The following KIF14 variants were observed in gnomAD, a reference collection of about 807,000 sequenced individuals.
KIF14 encodes the protein kinesin-like protein KIF14.
Under a neutral mutation model 176.2 loss-of-function variants are expected in KIF14, and 98 were observed. The ratio of observed to expected loss-of-function variants is 0.56; its 90% CI spans 0.47 to 0.66. The LOEUF (loss-of-function observed/expected upper bound fraction) is 0.66. KIF14 is among the 30% of genes least tolerant of loss of function. The probability of loss-of-function intolerance (pLI) is 0.00; values close to 1 mark genes in which losing one functional copy is unlikely to be tolerated. For synonymous variants in KIF14, 566 were observed against 632.2 expected, an observed-to-expected ratio of 0.90 and a Z score of 1.57; for missense variants, 1,751 against 1,920.4, an observed-to-expected ratio of 0.91 and a Z score of 1.65.
At chr1:200,584,648 C>A (rs1558066386) in intron 19 of KIF14, among the ~76,000 whole-genome samples, 1 of 152,140 alleles carries the variant, frequency 6.6e-6, no homozygotes, top group Non-Finnish European at 1.5e-5. Flanking sequence ...TGACAAACTA[C>A]AACATCCTTT....
intron 29 of KIF14, 111 bp downstream of exon 29, chr1:200,554,357 C>T: frequency 1.4e-6 from 1 of 716,012 alleles, no homozygotes; most frequent in Non-Finnish European, 2.3e-6. Flanking sequence ...AGCCACTGCA[C>T]TCCAGCCTGA....
chr1:200,593,947 T>TTTTG (rs1367461426), intron 14 of KIF14, among the ~76,000 whole-genome samples, 178 bp from the exon 15 acceptor site: 1 of 148,226 alleles, frequency 6.7e-6, no homozygotes, highest in Non-Finnish European at 1.5e-5. Context: ...TTTTTTTTTT[T>TTTTG]TGAGACGGAG....
chr1:200,598,506 A>C, intron 13 of KIF14, 85 bp from the exon 14 acceptor site: 1 of 838,096 alleles, frequency 1.2e-6, no homozygotes, highest in African/African-American at 1.8e-5. Flanking sequence ...TATATTAAAC[A>C]TTAAAACAAT....
intron 14 of KIF14, among the ~76,000 whole-genome samples, chr1:200,595,644 C>A (rs891340378): frequency 1.3e-5 from 2 of 151,910 alleles, no homozygotes; most frequent in South Asian, 2.1e-4. Context: ...AAAGGATATG[C>A]CCTAACAGAT....
At chr1:200,602,208 G>T in intron 10 of KIF14, 140 bp from the exon 11 acceptor site, 3 of 623,730 alleles carry the variant, frequency 4.8e-6, no homozygotes, top group South Asian at 2.7e-5. Context: ...AACTTTTCTG[G>T]TATTTGTAAC....
At chr1:200,586,781 A>G (rs1034790024) in intron 18 of KIF14, among the ~76,000 whole-genome samples, 1 of 57,788 alleles carries the variant, frequency 1.7e-5, no homozygotes, top group African/African-American at 1.0e-4. Context: ...GTGTATATAT[A>G]TATACATACA....
At chr1:200,567,044 G>A (rs904082675) in intron 23 of KIF14, among the ~76,000 whole-genome samples, 3 of 151,572 alleles carry the variant, frequency 2.0e-5, no homozygotes, top group Admixed American at 6.6e-5. Context: ...CATGGTGGTG[G>A]GCGCCTGTAA....
rs755330036 is a variant in KIF14, at chr1:200,565,548, T to A, written c.3783A>T (p.Arg1261Ser). 6.2e-7 allele frequency: 1 copy of A among 1,611,614 alleles called. No individual in the cohort carries two copies. Among genetic ancestry groups the A allele is most frequent in the Non-Finnish European group, 8.5e-7 (1 of 1,179,342 alleles). ...DFFGQSYDEE[R>S]TIADSLINSF... is the part of the protein sequence containing the mutation. ...TATTAATTAGGCTGTCTGCTATAGT[T>A]CTTTCTTCATCATAACTCTGTCCAA... Residue 1261 changes from arginine (R) to serine (S), a missense_variant, in exon 24 of 30, where the codon AGA becomes AGT. Physicochemically the swap from Arg to Ser is moderately radical, Grantham distance 110. Coordinates refer to ENST00000367350, the MANE Select transcript of KIF14 (RefSeq NM_014875.3).
rs869174532 is a variant in KIF14, at chr1:200,573,427, C to CTTTTTTTTT, written c.3566+2155_3566+2163dup. ...TTCCCTACACTCAAGGAGCTCATTT[C>CTTTTTTTTT]TTTTTTTTTTTTTTTTTTTTTTTTG... On this transcript the variant is annotated intron_variant, in intron 22 of 29. Coordinates refer to ENST00000367350, the MANE Select transcript of KIF14 (RefSeq NM_014875.3). 1.5e-3 allele frequency among the ~76,000 whole-genome samples: 115 copies of CTTTTTTTTT among 77,746 alleles called. 6 individuals are homozygous for CTTTTTTTTT. Among genetic ancestry groups the CTTTTTTTTT allele is most frequent in the African/African-American group, 4.2e-3 (73 of 17,558 alleles). The allele number at this position is 77,746 out of a possible 152,430, so 51.0% of individuals were successfully genotyped here.
At chr1:200,598,201 A>G in intron 14 of KIF14, 36 bp downstream of exon 14, 1 of 1,559,982 alleles carries the variant, frequency 6.4e-7, no homozygotes, top group Non-Finnish European at 8.7e-7. Flanking sequence ...GATATAGAAC[A>G]GGTGCCTTTT....
At chr1:200,616,599 T>C (rs961015611) in intron 2 of KIF14, among the ~76,000 whole-genome samples, 1 of 152,218 alleles carries the variant, frequency 6.6e-6, no homozygotes, top group African/African-American at 2.4e-5. Context: ...TGGAGGTTCC[T>C]GCCCTGATGC....
chr1:200,619,805 C>A (rs1660598238), intron 1 of KIF14, among the ~76,000 whole-genome samples: 1 of 152,160 alleles, frequency 6.6e-6, no homozygotes, highest in East Asian at 1.9e-4. Flanking sequence ...AACAGACAAC[C>A]TGCCCTTTAG....
Position 200,592,184 on chromosome 1 carries a change from T to G in KIF14, c.2709A>C (p.Glu903Asp), listed in dbSNP as rs898957552. Residue 903 changes from glutamate (E) to aspartate (D), a missense_variant, in exon 16 of 30, where the codon GAA (glutamate) becomes GAC (aspartate). By Grantham distance (45) the Glu-to-Asp change is conservative (BLOSUM62 2). Coordinates refer to ENST00000367350, the MANE Select transcript of KIF14 (RefSeq NM_014875.3). ...CAGATGGCCTTTTTCCTTTCTGGAC[T>G]TCTACTGGATGATTAAATCTAAAAT... ...DHYFRFNHPV[E>D]VQKGKRPSGR... 1.2e-6 allele frequency: 2 copies of G among 1,613,734 alleles called. No individual in the cohort carries two copies. The highest frequency in any genetic ancestry group is 8.5e-7 in the Non-Finnish European group (1 of 1,179,766).
chr1:200,593,561 A>C lies in KIF14; in HGVS notation c.2652+106T>G, dbSNP rs139580927. 3.1e-4 allele frequency: 240 copies of C among 769,114 alleles called. 2 individuals carry two copies. The African/African-American group carries it at 3.7e-3, about 12-fold the overall frequency. 47.6% of individuals were successfully genotyped at this position (769,114 alleles called of 1,614,324 possible). A position where few individuals can be genotyped will look rare whatever the true frequency, so the allele number is the denominator to read the frequency against. Reference sequence around the variant, plus strand: ...AATTTTTGAAATGAAAAAGTCCTTAATCTGCTTCAACACCCTTATCTTATA... The same window carrying C: ...AATTTTTGAAATGAAAAAGTCCTTACTCTGCTTCAACACCCTTATCTTATA... On this transcript the variant is annotated intron_variant, in intron 15 of 29. Transcript: ENST00000367350.
chr1:200,559,744 A>G (rs1021454848), intron 26 of KIF14, among the ~76,000 whole-genome samples: 1 of 151,708 alleles, frequency 6.6e-6, no homozygotes, highest in East Asian at 1.9e-4. Flanking sequence ...TATTGCTAGA[A>G]CACAGTAACA....
chr1:200,572,147 A>C (rs1306765236), intron 22 of KIF14, among the ~76,000 whole-genome samples: 2 of 152,230 alleles, frequency 1.3e-5, no homozygotes, highest in Non-Finnish European at 2.9e-5. Flanking sequence ...AGAGCAATTC[A>C]TTTTTTAAAA....
At chr1:200,559,233 A>T in intron 27 of KIF14, 97 bp downstream of exon 27, 3 of 744,724 alleles carry the variant, frequency 4.0e-6, no homozygotes, top group Non-Finnish European at 5.7e-6. Context: ...GAAACAAATT[A>T]AAACATATGA....
intron 28 of KIF14, among the ~76,000 whole-genome samples, chr1:200,555,025 G>A (rs917510777): frequency 1.4e-4 from 22 of 152,024 alleles, no homozygotes; most frequent in African/African-American, 5.3e-4. Context: ...CCTGTGACAT[G>A]GGAATAATCT....
intron 18 of KIF14, among the ~76,000 whole-genome samples, chr1:200,588,322 CCT>C (rs968247075): frequency 2.8e-4 from 43 of 151,278 alleles, no homozygotes; most frequent in Non-Finnish European, 4.6e-4. Context: ...CTCACTGCAA[CCT>C]CTGACTCTCG....
Sources: allele counts gnomAD v4.1 joint callset (sites outside exome capture counted in the v4.1 genomes callset), GRCh38; gene constraint gnomAD v4.1.1; transcripts MANE v1.5; gene names NCBI Gene and HGNC (gene_info 2026-07-23, HGNC 2026-07-21).